The following TTC29 variants were observed in gnomAD, a reference collection of about 807,000 sequenced individuals.
TTC29 encodes tetratricopeptide repeat protein 29.
Under a neutral mutation model 58.1 loss-of-function variants are expected in TTC29, and 49 were observed. The ratio of observed to expected loss-of-function variants is 0.84; its 90% CI spans 0.67 to 1.07. TTC29 has a LOEUF of 1.07. TTC29 is among the 50% of genes least tolerant of loss of function. TTC29 has a pLI of 0.00. For missense variants in TTC29, 582 were observed against 555.6 expected, an observed-to-expected ratio of 1.05 and a Z score of -0.48; for synonymous variants, 209 against 196.8, an observed-to-expected ratio of 1.06 and a Z score of -0.52.
intron 2 of TTC29, among the ~76,000 whole-genome samples, chr4:146,941,820 G>A (rs1736428269): frequency 6.6e-6 from 1 of 152,170 alleles, no homozygotes; most frequent in Non-Finnish European, 1.5e-5. Flanking sequence ...CTGTAGTGGG[G>A]GAAAGGGTAG....
intron 11 of TTC29, among the ~76,000 whole-genome samples, chr4:146,754,980 A>G (rs557839143): frequency 6.6e-6 from 1 of 152,280 alleles, no homozygotes; most frequent in Admixed American, 6.5e-5. Context: ...TGCAGATGAC[A>G]TGATCCTGTA....
At chr4:146,929,760 A>G (rs73852795) in intron 4 of TTC29, among the ~76,000 whole-genome samples, 11,369 of 152,068 alleles carry the variant, frequency 0.075, 1,440 homozygotes, top group African/African-American at 0.26. Context: ...GTGGATTGCA[A>G]GGAAGAAGAG....
In TTC29 at chr4:146,909,120, G is replaced by A. The variant is rs201492631; in HGVS notation, c.306C>T (p.Ser102=). The A allele has an allele frequency of 1.9e-6, 3 of 1,613,874 alleles. No homozygotes were observed. The highest frequency in any genetic ancestry group is 1.6e-4 in the Middle Eastern group (1 of 6,062). Reference sequence around the variant, plus strand: ...CCAGGGGCTTCTGCAGCCAGAAGAGGGACCTGACTCTCGCAGCCTCCCTCA... The same window carrying A: ...CCAGGGGCTTCTGCAGCCAGAAGAGAGACCTGACTCTCGCAGCCTCCCTCA... ...DALREAARVR[S]LFWLQKPLEE... Residue 102 remains serine (S), a synonymous_variant, in exon 5 of 13, where the codon TCC becomes TCT. Coordinates refer to ENST00000325106, the MANE Select transcript of TTC29 (RefSeq NM_031956.4).
At chr4:146,733,669 A>G (rs1422402186) in intron 11 of TTC29, among the ~76,000 whole-genome samples, 1 of 152,122 alleles carries the variant, frequency 6.6e-6, no homozygotes, top group Non-Finnish European at 1.5e-5. Context: ...TGCCTACTCA[A>G]AATGTCTCTT....
intron 10 of TTC29, among the ~76,000 whole-genome samples, chr4:146,814,708 G>C (rs1449938776): frequency 2.5e-5 from 3 of 117,846 alleles, no homozygotes; most frequent in African/African-American, 9.8e-5. Flanking sequence ...CCTGGCAATA[G>C]AGCGAGACTC....
chr4:146,708,405 T>C (rs1035581959), intron 11 of TTC29, among the ~76,000 whole-genome samples: 2 of 146,486 alleles, frequency 1.4e-5, no homozygotes, highest in Non-Finnish European at 3.0e-5. Context: ...AACATATATA[T>C]ATAAAAACTT....
intron 8 of TTC29, among the ~76,000 whole-genome samples, chr4:146,839,507 T>C (rs918961100): frequency 1.3e-5 from 2 of 151,444 alleles, no homozygotes; most frequent in African/African-American, 4.9e-5. Context: ...ACTGGCCTTA[T>C]TCAGATTTCA....
At position 146,903,533 on chromosome 4, in the gene TTC29, T is replaced by C; in HGVS notation, c.586+11A>G. 4 of 1,591,522 alleles carry C rather than the reference T, an allele frequency of 2.5e-6. No homozygotes were observed. The highest frequency in any genetic ancestry group is 3.4e-6 in the Non-Finnish European group (4 of 1,168,382). On this transcript the variant is annotated intron_variant, in intron 6 of 12. Transcript: ENST00000325106. ...AACATACCCAAGGCATCCTGGCAAA[T>C]GCCCACTCACCATCTTCCTCGTAGA...
intron 11 of TTC29, among the ~76,000 whole-genome samples, chr4:146,722,231 G>T (rs2150006555): frequency 6.6e-6 from 1 of 152,222 alleles, no homozygotes; most frequent in Admixed American, 6.5e-5. Context: ...TTGTTGAAAT[G>T]GCCATAATTT....
chr4:146,891,066 G>A (rs779154754), intron 6 of TTC29, among the ~76,000 whole-genome samples: 1 of 152,106 alleles, frequency 6.6e-6, no homozygotes, highest in Non-Finnish European at 1.5e-5. Context: ...CAACAGCAAT[G>A]ATGATGAAGG....
chr4:146,845,814 C>A (rs910372563), intron 8 of TTC29, among the ~76,000 whole-genome samples: 1 of 134,860 alleles, frequency 7.4e-6, no homozygotes, highest in Non-Finnish European at 1.6e-5. Flanking sequence ...CTTGTACACA[C>A]AATCACACAC....
intron 8 of TTC29, among the ~76,000 whole-genome samples, chr4:146,842,786 T>G (rs1728930214): frequency 6.6e-6 from 1 of 152,162 alleles, no homozygotes; most frequent in African/African-American, 2.4e-5. Flanking sequence ...CTCCATGCAG[T>G]GTATTACTTT....
chr4:146,728,752 GATATATGTAC>G (rs1429240748), intron 11 of TTC29, among the ~76,000 whole-genome samples: 3,562 of 68,154 alleles, frequency 0.052, 393 homozygotes, highest in African/African-American at 0.14. Context: ...CTGTCCAGAG[GATATATGTAC>G]ATATATATAC....
At chr4:146,779,870 C>CA (rs1748456610) in intron 11 of TTC29, among the ~76,000 whole-genome samples, 1 of 152,220 alleles carries the variant, frequency 6.6e-6, no homozygotes, top group Non-Finnish European at 1.5e-5. Context: ...CAGCTATTTC[C>CA]ACTGCTTTTA....
At chr4:146,734,194 C>T (rs866652612) in intron 11 of TTC29, among the ~76,000 whole-genome samples, 3 of 151,992 alleles carry the variant, frequency 2.0e-5, no homozygotes, top group Non-Finnish European at 2.9e-5. Flanking sequence ...GTCTCATTAC[C>T]TGAGATTTAT....
intron 11 of TTC29, among the ~76,000 whole-genome samples, chr4:146,742,704 C>T (rs1371159283): frequency 2.3e-5 from 3 of 129,542 alleles, no homozygotes; most frequent in Non-Finnish European, 5.0e-5. Context: ...TCCCCCTCCC[C>T]CCTTCCCCTT....
intron 11 of TTC29, among the ~76,000 whole-genome samples, chr4:146,788,119 T>C (rs1749166609): frequency 6.6e-6 from 1 of 152,238 alleles, no homozygotes; most frequent in Non-Finnish European, 1.5e-5. Context: ...TAGCTAGGAC[T>C]GCACAGCCTT....
At chr4:146,867,921 T>C (rs1730672437) in intron 7 of TTC29, among the ~76,000 whole-genome samples, 1 of 152,122 alleles carries the variant, frequency 6.6e-6, no homozygotes, top group African/African-American at 2.4e-5. Context: ...TTGACATTCA[T>C]GTATAATTTT....
intron 9 of TTC29, among the ~76,000 whole-genome samples, chr4:146,831,151 C>T (rs978203135): frequency 6.6e-6 from 1 of 152,096 alleles, no homozygotes; most frequent in Non-Finnish European, 1.5e-5. Context: ...AATAAGCATC[C>T]CCTGCACTGT....
Sources: gnomAD v4.1 joint callset for allele counts (sites outside exome capture counted in the v4.1 genomes callset) on GRCh38, gnomAD v4.1.1 for gene constraint, MANE v1.5 for transcripts, NCBI Gene and HGNC (gene_info 2026-07-23, HGNC 2026-07-21) for gene names.